Variants in PSME4 observed in about 807,000 individuals in gnomAD.
PSME4 encodes proteasome activator subunit 4, also known as proteasome activator complex subunit 4.
A neutral mutation model predicts 253.9 loss-of-function variants in PSME4; 89 were observed. The observed-to-expected ratio is 0.35, with a 90% CI of 0.30 to 0.42. PSME4 has a LOEUF of 0.42. PSME4 is among the 10% of genes least tolerant of loss of function. The probability of loss-of-function intolerance (pLI) is 1.00; values close to 1 mark genes in which losing one functional copy is unlikely to be tolerated. For missense variants in PSME4, 2,014 were observed against 2,195.2 expected (o/e 0.92, Z 1.65); for synonymous variants, 851 against 759.2 (o/e 1.12, Z -1.99).
chr2:53,945,964 G>C (rs534438822), intron 3 of PSME4, among the ~76,000 whole-genome samples: 1 of 152,166 alleles, frequency 6.6e-6, no homozygotes, highest in Non-Finnish European at 1.5e-5. Flanking sequence ...TCAGTGCTGT[G>C]TTTCAGTCAC....
intron 29 of PSME4, 113 bp from the exon 30 acceptor site, chr2:53,898,467 C>G: frequency 3.9e-6 from 3 of 777,290 alleles, no homozygotes; most frequent in Non-Finnish European, 6.1e-6. Flanking sequence ...TTACTTCCCA[C>G]CACCTGACTG....
chr2:53,956,911 G>C (rs1414211988), intron 1 of PSME4, among the ~76,000 whole-genome samples: 2 of 152,088 alleles, frequency 1.3e-5, no homozygotes, highest in Non-Finnish European at 2.9e-5. Context: ...GAGTCAACTT[G>C]AATAGGTTTC....
Position 53,874,439 on chromosome 2 carries a change from G to A in PSME4, c.5000C>T (p.Thr1667Ile). ...AATAAAGAGGTTATAAAATACCATG[G>A]TCTGGAGGTAGGTCAGTACTGTGTA... is the stretch of plus-strand genomic sequence containing the variant. ...ARYTVLTYLQ[T>I]MVFYNLFIFL... Residue 1667 changes from threonine (T) to isoleucine (I), a missense_variant, in exon 43 of 47, where the codon ACC becomes ATC. Physicochemically the swap from Thr to Ile is moderately conservative, Grantham distance 89. Around this residue, in one of 4 missense-constraint regions of PSME4, gnomAD observed 403 missense variants for 556.1 expected, o/e 0.72. Coordinates refer to ENST00000404125, the MANE Select transcript of PSME4 (RefSeq NM_014614.3). 6.2e-7 allele frequency: 1 copy of A among 1,614,014 alleles called. No individual in the cohort carries two copies. Among genetic ancestry groups the A allele is most frequent in the Non-Finnish European group, 8.5e-7 (1 of 1,179,926 alleles).
intron 9 of PSME4, 96 bp downstream of exon 9, chr2:53,932,572 C>A: frequency 9.8e-7 from 1 of 1,023,962 alleles, no homozygotes; most frequent in South Asian, 1.3e-5. Context: ...CTATGAAGGA[C>A]AGAAAATGTA....
At position 53,895,754 on chromosome 2, in the gene PSME4, A is replaced by C. The variant is rs766701730; in HGVS notation, c.3689-18T>G. ...GCATCCACCTAAGGAAAAGACAATC[A>C]CATTTGATGAATTTAAAAATATTCG... is the stretch of plus-strand genomic sequence containing the variant. On this transcript the variant is annotated intron_variant, in intron 32 of 46. Coordinates refer to ENST00000404125, the MANE Select transcript of PSME4 (RefSeq NM_014614.3). The C allele has an allele frequency of 3.2e-6, 5 of 1,550,068 alleles. No homozygotes were observed. The East Asian group carries it at 1.1e-4, about 36-fold the overall frequency.
At chr2:53,881,990 C>T (rs1679410577) in intron 41 of PSME4, among the ~76,000 whole-genome samples, 1 of 151,876 alleles carries the variant, frequency 6.6e-6, no homozygotes, top group Non-Finnish European at 1.5e-5. Flanking sequence ...TATGAAGACT[C>T]TTAGACCAGA....
At chr2:53,958,449 C>G (rs1024691972) in intron 1 of PSME4, among the ~76,000 whole-genome samples, 5 of 152,056 alleles carry the variant, frequency 3.3e-5, no homozygotes, top group Non-Finnish European at 7.4e-5. Context: ...ATCATTCTGT[C>G]CAATCTGATT....
At chr2:53,885,578 G>A in intron 41 of PSME4, 112 bp downstream of exon 41, 1 of 672,754 alleles carries the variant, frequency 1.5e-6, no homozygotes, top group Non-Finnish European at 2.5e-6. Flanking sequence ...CTACTTTTCA[G>A]AGATCCAATC....
At chr2:53,967,461 G>A (rs972667944) in intron 1 of PSME4, among the ~76,000 whole-genome samples, 2 of 151,670 alleles carry the variant, frequency 1.3e-5, no homozygotes, top group Non-Finnish European at 2.9e-5. Context: ...TGCCAAAATG[G>A]TGAAACCCCG....
At chr2:53,926,594 C>G (rs574399470) in intron 12 of PSME4, among the ~76,000 whole-genome samples, 1 of 151,842 alleles carries the variant, frequency 6.6e-6, no homozygotes, top group South Asian at 2.1e-4. Flanking sequence ...GGCACAAGAA[C>G]CACTTGAACC....
At chr2:53,921,804 C>G (rs1430588495) in intron 17 of PSME4, among the ~76,000 whole-genome samples, 2 of 132,046 alleles carry the variant, frequency 1.5e-5, no homozygotes, top group African/African-American at 2.8e-5. Flanking sequence ...GGAGGCGGAG[C>G]TTGCAGTGAG....
chr2:53,913,528 T>A (rs1667923177), intron 20 of PSME4, among the ~76,000 whole-genome samples: 1 of 152,174 alleles, frequency 6.6e-6, no homozygotes, highest in Non-Finnish European at 1.5e-5. Context: ...CCAATAACCC[T>A]TCCCCTTCCA....
At chr2:53,886,229 G>A (rs1312776894) in intron 40 of PSME4, among the ~76,000 whole-genome samples, 3 of 152,116 alleles carry the variant, frequency 2.0e-5, no homozygotes, top group Non-Finnish European at 2.9e-5. Context: ...GCAACATATG[G>A]AGACCCCTGT....
intron 10 of PSME4, 33 bp downstream of exon 10, chr2:53,931,802 T>C (rs1345506749): frequency 1.0e-5 from 16 of 1,606,280 alleles, no homozygotes; most frequent in African/African-American, 2.7e-5. Flanking sequence ...AAGAAAAACC[T>C]AGCTGTGGCT....
At chr2:53,914,613 T>C (rs1667972209) in intron 20 of PSME4, among the ~76,000 whole-genome samples, 1 of 152,234 alleles carries the variant, frequency 6.6e-6, no homozygotes, top group South Asian at 2.1e-4. Context: ...CCAGGCGCAG[T>C]GGCTCACGCC....
intron 17 of PSME4, among the ~76,000 whole-genome samples, chr2:53,921,834 C>G (rs1668337561): frequency 7.4e-6 from 1 of 134,288 alleles, no homozygotes; most frequent in African/African-American, 2.7e-5. Flanking sequence ...TGCCACTGCA[C>G]TCCAGCCTGG....
At chr2:53,938,289 AAC>A (rs1242411892) in intron 4 of PSME4, among the ~76,000 whole-genome samples, 4 of 152,184 alleles carry the variant, frequency 2.6e-5, no homozygotes, top group Admixed American at 6.5e-5. Context: ...CCTTCCTTGG[AAC>A]ACAGAGTCCT....
chr2:53,930,539 T>A (rs1008636949), intron 10 of PSME4, among the ~76,000 whole-genome samples: 2 of 152,150 alleles, frequency 1.3e-5, no homozygotes, highest in African/African-American at 4.8e-5. Context: ...TTCTATAAGC[T>A]GGAAGAGTTT....
intron 1 of PSME4, among the ~76,000 whole-genome samples, chr2:53,951,896 G>A (rs975461693): frequency 1.3e-5 from 2 of 152,138 alleles, no homozygotes; most frequent in African/African-American, 4.8e-5. Flanking sequence ...GTAGATTAGT[G>A]AAGACAAAAG....
Sources: gnomAD v4.1 joint callset for allele counts (sites outside exome capture counted in the v4.1 genomes callset) on GRCh38, gnomAD v4.1.1 for gene constraint, gnomAD v4.1.1 regional missense constraint, MANE v1.5 for transcripts, NCBI Gene and HGNC (gene_info 2026-07-23, HGNC 2026-07-21) for gene names.